POLR3K: variants seen among roughly 807,000 people sequenced by gnomAD.
POLR3K encodes the protein DNA-directed RNA polymerase III subunit RPC10.
A neutral mutation model predicts 13.5 loss-of-function variants in POLR3K; 11 were observed. The observed-to-expected ratio is 0.81, with a 90% CI of 0.51 to 1.35. The LOEUF (loss-of-function observed/expected upper bound fraction) is 1.35. Among genes scored for constraint, POLR3K ranks in the 40% most tolerant of loss-of-function variants. The pLI is 0.00. For synonymous variants in POLR3K, 56 were observed against 51.5 expected (o/e 1.09, Z -0.38); for missense variants, 144 against 145.3 (o/e 0.99, Z 0.05).
intron 2 of POLR3K, among the ~76,000 whole-genome samples, chr16:51,200 A>C: frequency 6.6e-6 from 1 of 152,204 alleles, no homozygotes; most frequent in East Asian, 1.9e-4. Flanking sequence ...CCATTATCAA[A>C]GCTATCACCT....
At chr16:53,439 G>C (rs1456161510) in intron 1 of POLR3K, 37 bp downstream of exon 1, 12 of 1,437,372 alleles carry the variant, frequency 8.3e-6, no homozygotes, top group Non-Finnish European at 1.1e-5. Context: ...AGGCCTGCGA[G>C]AGTCGCCCGC....
chr16:53,349 C>T (rs1056570847), intron 1 of POLR3K, 127 bp downstream of exon 1: 1 of 1,436,708 alleles, frequency 7.0e-7, no homozygotes, highest in African/African-American at 1.5e-5. Context: ...CTGCTGCAGA[C>T]CAGAAAGGGG....
intron 1 of POLR3K, among the ~76,000 whole-genome samples, chr16:52,350 G>A (rs532275693): frequency 6.6e-6 from 1 of 150,966 alleles, no homozygotes; most frequent in East Asian, 2.0e-4. Context: ...GGGAAGCCGA[G>A]GCAGAAGAAT....
chr16:47,329 A>G lies in POLR3K; in HGVS notation c.*101T>C, dbSNP rs1897292291. The G allele has an allele frequency of 1.4e-6, 2 of 1,434,320 alleles. No homozygotes were observed. Among genetic ancestry groups the G allele is most frequent in the South Asian group, 2.6e-5 (2 of 75,652 alleles). 88.8% of individuals were successfully genotyped at this position (1,434,320 alleles called of 1,614,324 possible). ...CTCAAAAGGTTTATCTTTCCACCAC[A>G]CTAGCAAAGACCCTCAGGACACACA... On this transcript the variant is annotated 3_prime_UTR_variant, in exon 3 of 3. Transcript: ENST00000293860.
In POLR3K at chr16:51,605, T is replaced by C. The variant is rs144335251; in HGVS notation, c.152A>G (p.Asp51Gly). 4 of 1,614,040 alleles carry C rather than the reference T, an allele frequency of 2.5e-6. No homozygotes were observed. Among genetic ancestry groups the C allele is most frequent in the Non-Finnish European group, 3.4e-6 (4 of 1,180,020 alleles). ...RKYPKLKEVD[D>G]VLGGAAAWEN... ...CCAGGCAGCTGCTCCACCAAGCACA[T>C]CATCCACTTCTTTCAGTTTTGGGTA... The change falls in exon 2 of 3, where the codon GAT becomes GGT. Residue 51 changes from aspartate to glycine, a missense_variant. Coordinates refer to ENST00000293860, the MANE Select transcript of POLR3K (RefSeq NM_016310.5).
At chr16:52,775 A>T (rs1596458703) in intron 1 of POLR3K, among the ~76,000 whole-genome samples, 1 of 136,770 alleles carries the variant, frequency 7.3e-6, no homozygotes, top group Non-Finnish European at 1.5e-5. Context: ...CAAAAAAAAA[A>T]AAAAAAAAAA....
intron 2 of POLR3K, among the ~76,000 whole-genome samples, chr16:47,918 T>C (rs1314097361): frequency 9.7e-6 from 1 of 103,180 alleles, no homozygotes; most frequent in Non-Finnish European, 1.8e-5. Context: ...TGAGATGGAA[T>C]CTCGCAGTCA....
intron 1 of POLR3K, 39 bp from the exon 2 acceptor site, chr16:51,684 A>C (rs772579597): frequency 6.5e-7 from 1 of 1,546,162 alleles, no homozygotes; most frequent in Non-Finnish European, 8.9e-7. Context: ...GTAACTGAAT[A>C]GCGCAAACCT....
chr16:52,723 G>A (rs1393016452), intron 1 of POLR3K, among the ~76,000 whole-genome samples: 3 of 134,158 alleles, frequency 2.2e-5, no homozygotes, highest in African/African-American at 5.6e-5. Flanking sequence ...CCGAGATCGC[G>A]CCACTGCACT....
At chr16:52,765 CAAAAAAAAAAAAAAAAAAAAA>C (rs946489081) in intron 1 of POLR3K, among the ~76,000 whole-genome samples, 5 of 33,614 alleles carry the variant, frequency 1.5e-4, no homozygotes, top group East Asian at 1.8e-3. Flanking sequence ...GACTCCGTCT[CAAAAAAAAAAAAAAAAAAAAA>C]AAAAAAAAAC....
rs1459743147 is a variant in POLR3K, at chr16:46,833, G to A, written c.*597C>T. ...GAGGTTCAAAAAAATGAATAAGGGA[G>A]TAAGAATAGGAATAAAGAAAGAAAT... is the stretch of plus-strand genomic sequence containing the variant. On this transcript the variant is annotated 3_prime_UTR_variant, in exon 3 of 3. Transcript: ENST00000293860. 6.6e-6 allele frequency: 1 copy of A among 152,088 alleles called. No individual in the cohort carries two copies. Among genetic ancestry groups the A allele is most frequent in the Non-Finnish European group, 1.5e-5 (1 of 68,016 alleles). 9.4% of individuals were successfully genotyped at this position (152,088 alleles called of 1,614,324 possible).
chr16:51,483 G>C, intron 2 of POLR3K, 75 bp downstream of exon 2: 1 of 1,146,190 alleles, frequency 8.7e-7, no homozygotes, highest in Non-Finnish European at 1.3e-6. Flanking sequence ...TGACATCATA[G>C]ACTCTGCCAA....
intron 1 of POLR3K, 195 bp downstream of exon 1, chr16:53,281 C>A (rs1370582748): frequency 3.5e-6 from 4 of 1,145,978 alleles, no homozygotes; most frequent in African/African-American, 3.2e-5. Context: ...AGCAGGAACC[C>A]AAGGCGGTGG....
chr16:52,446 C>CAAAAAAAAAAAAAAAAAAAAAAAAAAAAA (rs767411954), intron 1 of POLR3K, among the ~76,000 whole-genome samples: 1 of 74,176 alleles, frequency 1.3e-5, no homozygotes, highest in Non-Finnish European at 2.5e-5. Context: ...GACTCTGTCT[C>CAAAAAAAAAAAAAAAAAAAAAAAAAAAAA]AAAAAAAAAA....
chr16:47,269 G>C lies in POLR3K; in HGVS notation c.*161C>G. ...ATGACTTCATCCACCCTGCCTGGCA[G>C]ATAGGCCATATTTCCTGACCCCCTG... On this transcript the variant is annotated 3_prime_UTR_variant, in exon 3 of 3. Coordinates refer to ENST00000293860, the MANE Select transcript of POLR3K (RefSeq NM_016310.5). The C allele has an allele frequency of 1.2e-6, 1 of 869,112 alleles. No individual in the cohort carries two copies. The highest frequency in any genetic ancestry group is 2.1e-5 in the South Asian group (1 of 47,850). The allele number at this position is 869,112 out of a possible 1,614,324, so 53.8% of individuals were successfully genotyped here. A position where few individuals can be genotyped will look rare whatever the true frequency, so the allele number is the denominator to read the frequency against.
chr16:48,419 C>G (rs1897302423), intron 2 of POLR3K, among the ~76,000 whole-genome samples: 1 of 152,164 alleles, frequency 6.6e-6, no homozygotes, highest in Middle Eastern at 3.2e-3. Flanking sequence ...TGTTTTGGTC[C>G]ATTTTGTGCT....
Position 51,642 on chromosome 16 carries a change from T to A in POLR3K, c.115A>T (p.Thr39Ser). 6.8e-6 allele frequency: 11 copies of A among 1,613,614 alleles called. No homozygotes were observed. Among genetic ancestry groups the A allele is most frequent in the Non-Finnish European group, 9.3e-6 (11 of 1,179,524 alleles). Residue 39 changes from threonine to serine, a missense_variant, in exon 2 of 3, where the codon ACA becomes TCA. Coordinates refer to ENST00000293860, the MANE Select transcript of POLR3K (RefSeq NM_016310.5). Reference protein sequence around the residue: ...PYVHNITRKVTNRKYPKLKEV... With the variant: ...PYVHNITRKVSNRKYPKLKEV... ...TTCAGTTTTGGGTACTTCCGATTTG[T>A]TACCTAACAAAAACAACACTTCAGA...
At chr16:48,279 C>T (rs1022323376) in intron 2 of POLR3K, among the ~76,000 whole-genome samples, 1 of 151,890 alleles carries the variant, frequency 6.6e-6, no homozygotes, top group Non-Finnish European at 1.5e-5. Flanking sequence ...ATGTCATTCC[C>T]ACCACGCTGT....
chr16:48,093 T>A (rs542400068), intron 2 of POLR3K, among the ~76,000 whole-genome samples: 1 of 151,496 alleles, frequency 6.6e-6, no homozygotes, highest in East Asian at 2.0e-4. Context: ...GTTTTCACTA[T>A]GTTGGCCAGG....
Sources: allele counts gnomAD v4.1 joint callset (sites outside exome capture counted in the v4.1 genomes callset), GRCh38; gene constraint gnomAD v4.1.1; transcripts MANE v1.5; gene names NCBI Gene and HGNC (gene_info 2026-07-23, HGNC 2026-07-21).